USP32: variants seen among roughly 807,000 people sequenced by gnomAD.
USP32 encodes ubiquitin specific peptidase 32, also known as ubiquitin carboxyl-terminal hydrolase 32.
In USP32, 59 loss-of-function variants were observed where a neutral mutation model predicts 204.8. That is an observed-to-expected ratio of 0.29 (90% CI 0.23 to 0.36). USP32 has a LOEUF of 0.36. USP32 is among the 10% of genes least tolerant of loss of function. The probability of loss-of-function intolerance (pLI) is 1.00; values close to 1 mark genes in which losing one functional copy is unlikely to be tolerated. For missense variants in USP32, 1,160 were observed against 1,946.4 expected (o/e 0.60, Z 7.60); for synonymous variants, 517 against 678.4 (o/e 0.76, Z 3.70).
At chr17:60,323,439 A>G (rs937145007) in intron 2 of USP32, among the ~76,000 whole-genome samples, 2 of 152,186 alleles carry the variant, frequency 1.3e-5, no homozygotes, top group Non-Finnish European at 2.9e-5. Context: ...GTAGATTAGT[A>G]TATTAGTTGG....
intron 2 of USP32, among the ~76,000 whole-genome samples, chr17:60,302,113 GT>G (rs1434601718): frequency 7.1e-6 from 1 of 141,526 alleles, no homozygotes; most frequent in African/African-American, 2.8e-5. Context: ...TATTTTGTTT[GT>G]TTATTTATTT....
chr17:60,384,302 T>C (rs1295009740), intron 1 of USP32, among the ~76,000 whole-genome samples: 2 of 152,190 alleles, frequency 1.3e-5, no homozygotes, highest in East Asian at 3.8e-4. Flanking sequence ...AAAAGGCTTT[T>C]GCCACAGGGA....
At chr17:60,403,502 A>G (rs957452501) in intron 1 of USP32, among the ~76,000 whole-genome samples, 1 of 152,076 alleles carries the variant, frequency 6.6e-6, no homozygotes, top group Non-Finnish European at 1.5e-5. Flanking sequence ...AGATGCATAC[A>G]CCGTTTCTTC....
chr17:60,179,460 GC>G (rs2084043996), intron 33 of USP32, 32 bp from the exon 34 acceptor site: 1 of 1,610,288 alleles, frequency 6.2e-7, no homozygotes, highest in African/African-American at 1.3e-5. Context: ...TTAACAAAAA[GC>G]CATCACTACT....
intron 1 of USP32, among the ~76,000 whole-genome samples, chr17:60,367,189 C>A (rs1048916471): frequency 2.0e-4 from 30 of 152,240 alleles, no homozygotes; most frequent in African/African-American, 6.3e-4. Flanking sequence ...GGTTCCATAC[C>A]CAGAGATTCA....
chr17:60,243,992 C>T (rs1303211912), intron 11 of USP32, among the ~76,000 whole-genome samples: 1 of 149,834 alleles, frequency 6.7e-6, no homozygotes, highest in Non-Finnish European at 1.5e-5. Flanking sequence ...TTACTTTCAA[C>T]CTATTTGTGC....
At chr17:60,396,416 A>C (rs1305851894), upstream of USP32, among the ~76,000 whole-genome samples, 1 of 152,162 alleles carries the variant, frequency 6.6e-6, no homozygotes, top group African/African-American at 2.4e-5. Context: ...CTCATTTTCC[A>C]TCAGTACACA....
intron 1 of USP32, among the ~76,000 whole-genome samples, chr17:60,369,763 G>T (rs2089401315): frequency 6.6e-6 from 1 of 151,714 alleles, no homozygotes; most frequent in Non-Finnish European, 1.5e-5. Context: ...TTTTTTTTAA[G>T]AGACAGGTTC....
intron 26 of USP32, among the ~76,000 whole-genome samples, chr17:60,201,148 G>A (rs184624994): frequency 3.9e-5 from 6 of 152,204 alleles, no homozygotes; most frequent in Admixed American, 2.0e-4. Context: ...GTGAGCCACC[G>A]TGCCTAGCCT....
chr17:60,259,029 G>C (rs2086386369), intron 9 of USP32, among the ~76,000 whole-genome samples: 1 of 151,932 alleles, frequency 6.6e-6, no homozygotes, highest in Non-Finnish European at 1.5e-5. Flanking sequence ...TCTCATTATT[G>C]CTTCATTTTT....
chr17:60,393,569 T>G (rs1267005470), upstream of USP32, among the ~76,000 whole-genome samples: 1 of 152,142 alleles, frequency 6.6e-6, no homozygotes, highest in Non-Finnish European at 1.5e-5. Flanking sequence ...CCATTTGGAT[T>G]AGATTGGACC....
intron 2 of USP32, among the ~76,000 whole-genome samples, chr17:60,308,498 C>T (rs778283695): frequency 2.0e-5 from 3 of 152,098 alleles, no homozygotes; most frequent in Admixed American, 6.6e-5. Flanking sequence ...GACCAATGGA[C>T]GACAGAGAAC....
chr17:60,198,446 T>C lies in USP32; in HGVS notation c.3250-2A>G. On this transcript the variant is annotated splice_acceptor_variant, in intron 26 of 33. Transcript: ENST00000300896. LOFTEE classifies it high-confidence loss of function. ...CAGGAAATACAGTTCTGTCCTCATC[T>C]GTATGTACAAACAAGAGAATAGAGA... 1 of 1,613,546 alleles carries C rather than the reference T, an allele frequency of 6.2e-7. No individual in the cohort carries two copies. Among genetic ancestry groups the C allele is most frequent in the Non-Finnish European group, 8.5e-7 (1 of 1,179,784 alleles).
At position 60,266,029 on chromosome 17, in the gene USP32, T is replaced by C. The variant is rs151275525; in HGVS notation, c.874A>G (p.Met292Val). Residue 292 changes from methionine (M) to valine (V), a missense_variant, in exon 8 of 34, where the codon ATG becomes GTG. This residue lies in a region of USP32 where 536 missense variants were observed against 680.9 expected (regional missense o/e 0.79). Coordinates refer to ENST00000300896, the MANE Select transcript of USP32 (RefSeq NM_032582.4). The stretch of plus-strand genomic sequence containing the variant: ...CAGACTTCTAAAAGTGCAACCACCA[T>C]GTCTCTCAGTTCAACCCTGGAGAGA... ...GVLSRVELRD[M>V]VVALLEVWKD... is the part of the protein sequence containing the mutation. The C allele has an allele frequency of 1.6e-5, 26 of 1,613,996 alleles. No individual in the cohort carries two copies. The highest frequency in any genetic ancestry group is 2.2e-5 in the Non-Finnish European group (26 of 1,179,988).
intron 1 of USP32, among the ~76,000 whole-genome samples, chr17:60,411,592 C>A (rs1276583309): frequency 6.9e-6 from 1 of 144,610 alleles, no homozygotes; most frequent in African/African-American, 2.6e-5. Flanking sequence ...CCTGGCTGGT[C>A]TCAAACTAAT....
intron 11 of USP32, among the ~76,000 whole-genome samples, chr17:60,246,604 T>C (rs2086033822): frequency 6.6e-6 from 1 of 152,162 alleles, no homozygotes; most frequent in Non-Finnish European, 1.5e-5. Flanking sequence ...TTTTAGTTTA[T>C]TGGGGCACCT....
chr17:60,214,265 A>G (rs938656470), intron 17 of USP32, among the ~76,000 whole-genome samples: 18 of 152,328 alleles, frequency 1.2e-4, no homozygotes, highest in African/African-American at 4.1e-4. Flanking sequence ...ATAATGTAAC[A>G]TATAATCTTT....
At position 60,190,002 on chromosome 17, in the gene USP32, G is replaced by A. The variant is rs553797129; in HGVS notation, c.3642+561C>T. Among the ~76,000 whole-genome samples the A allele has an allele frequency of 7.4e-4, 112 of 152,192 alleles. 1 individual carries two copies. The highest frequency in any genetic ancestry group is 1.0e-3 in the Non-Finnish European group (71 of 68,036). On this transcript the variant is annotated intron_variant, in intron 29 of 33. Transcript: ENST00000300896. The stretch of plus-strand genomic sequence containing the variant: ...CATGTTGAAATCTGATTCCCAATGT[G>A]GCGTTGTTAGGAGGTGGGGCCTAGC...
chr17:60,187,856 T>A (rs2084289075), intron 29 of USP32, among the ~76,000 whole-genome samples: 2 of 152,330 alleles, frequency 1.3e-5, no homozygotes, highest in East Asian at 3.9e-4. Context: ...CTCTTCTTTT[T>A]CAAAGTTACT....
Sources: gnomAD v4.1 joint callset for allele counts (sites outside exome capture counted in the v4.1 genomes callset) on GRCh38, gnomAD v4.1.1 for gene constraint, gnomAD v4.1.1 regional missense constraint, MANE v1.5 for transcripts, NCBI Gene and HGNC (gene_info 2026-07-23, HGNC 2026-07-21) for gene names.